TEK: variants seen among roughly 807,000 people sequenced by gnomAD.
TEK encodes the protein TEK receptor tyrosine kinase, also known as angiopoietin-1 receptor.
A neutral mutation model predicts 131.8 loss-of-function variants in TEK; 43 were observed. The observed-to-expected ratio is 0.33, with a 90% CI of 0.26 to 0.42. The LOEUF (loss-of-function observed/expected upper bound fraction) is 0.42. TEK is among the 10% of genes least tolerant of loss of function. The pLI, the probability that TEK is intolerant of heterozygous loss-of-function variation, is 1.00. For missense variants in TEK, 1,162 were observed against 1,384.4 expected, an observed-to-expected ratio of 0.84 and a Z score of 2.55; for synonymous variants, 580 against 491.6, an observed-to-expected ratio of 1.18 and a Z score of -2.38.
Position 27,169,639 on chromosome 9 carries a change from G to A in TEK, c.628+10G>A, listed in dbSNP as rs750643594. The A allele has an allele frequency of 6.2e-6, 10 of 1,613,798 alleles. No individual in the cohort carries two copies. The highest frequency in any genetic ancestry group is 1.7e-4 in the Middle Eastern group (1 of 6,006). ...AGGCTGATAGTCCGGAGTAAGTGAT[G>A]GAGAGGCCACCATTTGTGATGGTGT... On this transcript the variant is annotated intron_variant, in intron 4 of 22. Transcript: ENST00000380036.
chr9:27,206,510 A>C (rs186169168), intron 14 of TEK, 72 bp from the exon 15 acceptor site: 4 of 1,497,432 alleles, frequency 2.7e-6, no homozygotes, highest in Admixed American at 3.8e-5. Flanking sequence ...GTGGATGCCA[A>C]CCAGAAGACA....
At chr9:27,114,551 A>T (rs1049855291) in intron 1 of TEK, among the ~76,000 whole-genome samples, 14 of 152,174 alleles carry the variant, frequency 9.2e-5, no homozygotes, top group African/African-American at 2.9e-4. Flanking sequence ...AGCCTGCATG[A>T]CAGAGTGAGA....
intron 1 of TEK, among the ~76,000 whole-genome samples, chr9:27,117,217 C>G (rs527910825): frequency 2.0e-5 from 3 of 152,080 alleles, no homozygotes; most frequent in Non-Finnish European, 4.4e-5. Flanking sequence ...TAACAGCCTC[C>G]GGGCCTGACA....
intron 15 of TEK, among the ~76,000 whole-genome samples, chr9:27,207,953 G>A (rs1309329125): frequency 6.6e-6 from 1 of 152,092 alleles, no homozygotes; most frequent in Non-Finnish European, 1.5e-5. Flanking sequence ...TTAGTCACAG[G>A]GAGTTTTGGG....
intron 1 of TEK, among the ~76,000 whole-genome samples, chr9:27,125,645 A>G (rs1587485275): frequency 6.6e-6 from 1 of 152,230 alleles, no homozygotes; most frequent in Non-Finnish European, 1.5e-5. Flanking sequence ...ACCTTTCTGT[A>G]GCATGAGGAT....
intron 1 of TEK, among the ~76,000 whole-genome samples, chr9:27,116,675 T>C (rs1000500867): frequency 6.6e-6 from 1 of 152,076 alleles, no homozygotes; most frequent in Non-Finnish European, 1.5e-5. Context: ...AAATCTTTGG[T>C]ATATGGTAAG....
intron 9 of TEK, among the ~76,000 whole-genome samples, chr9:27,189,603 T>G (rs1824730591): frequency 6.6e-6 from 1 of 152,104 alleles, no homozygotes. Context: ...TTCCTGACAA[T>G]AGTCAGAGAT....
At chr9:27,228,140 T>C (rs1826411548) in intron 21 of TEK, 66 bp from the exon 22 acceptor site, 2 of 1,375,618 alleles carry the variant, frequency 1.5e-6, no homozygotes, top group South Asian at 2.4e-5. Context: ...TCTCCTCTCT[T>C]TTCCTGCCGT....
intron 1 of TEK, among the ~76,000 whole-genome samples, chr9:27,124,722 TG>T (rs1298247000): frequency 6.6e-6 from 1 of 152,222 alleles, no homozygotes. Context: ...ACCTACCTCA[TG>T]GGTTTTTTTT....
intron 7 of TEK, among the ~76,000 whole-genome samples, chr9:27,181,284 T>C (rs571213266): frequency 9.2e-5 from 14 of 152,288 alleles, no homozygotes; most frequent in African/African-American, 3.4e-4. Context: ...TTTTTCTTAA[T>C]TTTTTTGGTA....
chr9:27,145,777 C>T (rs1001145275), intron 1 of TEK, among the ~76,000 whole-genome samples: 3 of 152,064 alleles, frequency 2.0e-5, no homozygotes, highest in Non-Finnish European at 2.9e-5. Context: ...GGTGCTGGGG[C>T]GTTGAAGACA....
chr9:27,185,530 A>C lies in TEK; in HGVS notation c.1228A>C (p.Thr410Pro). Residue 410 changes from threonine to proline, a missense_variant, in exon 9 of 23, where the codon ACC becomes CCC. Transcript: ENST00000380036. The part of the protein sequence containing the change: ...HTDHFSVAIF[T>P]IHRILPPDSG... ...GGATCATTTCTCAGTAGCCATATTC[A>C]CCATCCACCGGATCCTCCCCCCTGA... 7 of 1,613,722 alleles carry C rather than the reference A, an allele frequency of 4.3e-6. No individual in the cohort carries two copies. Among genetic ancestry groups the C allele is most frequent in the Non-Finnish European group, 5.9e-6 (7 of 1,179,776 alleles).
intron 12 of TEK, 96 bp downstream of exon 12, chr9:27,197,695 G>A: frequency 6.6e-7 from 1 of 1,512,280 alleles, no homozygotes; most frequent in East Asian, 2.4e-5. Flanking sequence ...TGGAAATTAT[G>A]AAAGAAAGTT....
chr9:27,202,822 C>G lies in TEK; in HGVS notation c.1912C>G (p.Leu638Val), dbSNP rs779357479. 6.2e-7 allele frequency: 1 copy of G among 1,613,828 alleles called. No individual in the cohort carries two copies. The change falls in exon 13 of 23, where the codon CTT becomes GTT. Residue 638 changes from leucine (L) to valine (V), a missense_variant and splice_region_variant. This residue lies in a region of TEK where 477 missense variants were observed against 471.0 expected (regional missense o/e 1.01). Transcript: ENST00000380036. ...DLTAWTLSDILPPQPENIKIS... is the reference protein window; with the variant it reads ...DLTAWTLSDIVPPQPENIKIS... ...TCTTTTTTCTTTTTAATTTCTAGTT[C>G]TTCCTCCTCAACCAGAAAACATCAA...
chr9:27,201,741 T>C (rs1394556048), intron 12 of TEK, among the ~76,000 whole-genome samples: 1 of 152,100 alleles, frequency 6.6e-6, no homozygotes, highest in African/African-American at 2.4e-5. Context: ...TTCTCAAAGG[T>C]TCTAAATTGT....
Position 27,164,267 on chromosome 9 carries a change from T to C in TEK, c.365-4228T>C, listed in dbSNP as rs765772450. The stretch of plus-strand genomic sequence containing the variant: ...ATTATAAAAAGTAATTTTTATTTAG[T>C]TGGAGTCTCGCTCTGTTGCCCAGGC... On this transcript the variant is annotated intron_variant, in intron 2 of 22. Coordinates refer to ENST00000380036, the MANE Select transcript of TEK (RefSeq NM_000459.5). 3.9e-5 allele frequency among the ~76,000 whole-genome samples: 6 copies of C among 152,244 alleles called. No individual in the cohort carries two copies. In the East Asian group the frequency reaches 7.7e-4, roughly 20 times the overall value.
At chr9:27,217,049 T>C (rs1825842215) in intron 18 of TEK, among the ~76,000 whole-genome samples, 1 of 152,170 alleles carries the variant, frequency 6.6e-6, no homozygotes, top group Non-Finnish European at 1.5e-5. Context: ...AAACAAGATA[T>C]GGGGAGAGCC....
rs139544061 is a variant in TEK, at chr9:27,214,082, A to G, written c.2991+485A>G. On this transcript the variant is annotated intron_variant, in intron 18 of 22. Coordinates refer to ENST00000380036, the MANE Select transcript of TEK (RefSeq NM_000459.5). ...GATTTCTCTCTTCACTGAAACCTCA[A>G]TGGTCACTATTCAAACCCAAATAAA... Among the ~76,000 whole-genome samples the G allele has an allele frequency of 3.2e-3, 486 of 152,360 alleles. 2 individuals carry two copies. Among genetic ancestry groups the G allele is most frequent in the African/African-American group, 0.011 (464 of 41,596 alleles).
chr9:27,176,114 G>T (rs983784037), intron 6 of TEK, among the ~76,000 whole-genome samples: 1 of 152,170 alleles, frequency 6.6e-6, no homozygotes, highest in African/African-American at 2.4e-5. Flanking sequence ...CCAAAAAGCA[G>T]TAGGAAAGCA....
Sources: gnomAD v4.1 joint callset for allele counts (sites outside exome capture counted in the v4.1 genomes callset) on GRCh38, gnomAD v4.1.1 for gene constraint, gnomAD v4.1.1 regional missense constraint, MANE v1.5 for transcripts, NCBI Gene and HGNC (gene_info 2026-07-23, HGNC 2026-07-21) for gene names.